The following NAA25 variants were observed in gnomAD, a reference collection of about 807,000 sequenced individuals.
NAA25 encodes N-alpha-acetyltransferase 25, NatB auxiliary subunit.
NAA25 carries 30 observed loss-of-function variants against 132.5 expected under a neutral mutation model. The ratio of observed to expected loss-of-function variants is 0.23; its 90% CI spans 0.17 to 0.31. The LOEUF (loss-of-function observed/expected upper bound fraction) is 0.31. Among genes scored for constraint, NAA25 ranks in the 10% least tolerant of loss-of-function variants. The pLI, the probability that NAA25 is intolerant of heterozygous loss-of-function variation, is 1.00. For synonymous variants in NAA25, 359 were observed against 401.9 expected, an observed-to-expected ratio of 0.89 and a Z score of 1.28; for missense variants, 771 against 1,150.4, an observed-to-expected ratio of 0.67 and a Z score of 4.77.
chr12:112,048,586 T>C (rs1006598051), intron 15 of NAA25, 143 bp from the exon 16 acceptor site: 5 of 658,450 alleles, frequency 7.6e-6, no homozygotes, highest in African/African-American at 5.5e-5. Context: ...AAGTAGAATA[T>C]TAGCTTTTTA....
chr12:112,068,808 A>G, intron 11 of NAA25, 72 bp downstream of exon 11: 2 of 816,668 alleles, frequency 2.4e-6, no homozygotes, highest in South Asian at 3.4e-5. Flanking sequence ...TAGAAAAGAA[A>G]CCCAAACATT....
chr12:112,104,886 G>A (rs1478543879), intron 1 of NAA25, among the ~76,000 whole-genome samples: 1 of 151,880 alleles, frequency 6.6e-6, no homozygotes, highest in African/African-American at 2.4e-5. Flanking sequence ...GGGCATGGTG[G>A]TGCATGCCTG....
At chr12:112,091,347 G>C (rs1349177620) in intron 2 of NAA25, among the ~76,000 whole-genome samples, 1 of 151,798 alleles carries the variant, frequency 6.6e-6, no homozygotes, top group Non-Finnish European at 1.5e-5. Context: ...AGAACTTTGA[G>C]ACCAGCCTAG....
Position 112,035,166 on chromosome 12 carries a change from ACT to A in NAA25, c.2650-1789_2650-1788del, listed in dbSNP as rs2078207099. ...CACTTTATTCACACCTTTATGGGTT[ACT>A]CTGATATCAGAAAAACCATTCTCAT... On this transcript the variant is annotated intron_variant, in intron 22 of 23. Coordinates refer to ENST00000261745, the MANE Select transcript of NAA25 (RefSeq NM_024953.4). 3 of 152,192 alleles carry A rather than the reference ACT, an allele frequency of 2.0e-5. No homozygotes were observed. In the South Asian group the frequency reaches 6.2e-4, roughly 32 times the overall value. The allele number at this position is 152,192 out of a possible 1,614,324, so 9.4% of individuals were successfully genotyped here.
At chr12:112,040,193 CAGAA>C in intron 21 of NAA25, 1 of 250,252 alleles carries the variant, frequency 4.0e-6, no homozygotes. Context: ...AAGAGTGAGT[CAGAA>C]AGGAGAATGA....
chr12:112,105,803 T>C (rs1174663680), intron 1 of NAA25, among the ~76,000 whole-genome samples: 1 of 152,218 alleles, frequency 6.6e-6, no homozygotes, highest in East Asian at 1.9e-4. Flanking sequence ...GCTCTACAAC[T>C]TGGTAGCTAC....
intron 4 of NAA25, among the ~76,000 whole-genome samples, chr12:112,082,844 G>A (rs1480655030): frequency 6.6e-6 from 1 of 152,000 alleles, no homozygotes; most frequent in Non-Finnish European, 1.5e-5. Context: ...AATATTTGAG[G>A]TGAATGGGTA....
Position 112,086,073 on chromosome 12 carries a change from T to TATATATATAC in NAA25, c.402+1609_402+1610insGTATATATAT, listed in dbSNP as rs759148501. Among the ~76,000 whole-genome samples the TATATATATAC allele has an allele frequency of 2.3e-3, 123 of 53,958 alleles. 1 individual carries two copies. Among genetic ancestry groups the TATATATATAC allele is most frequent in the African/African-American group, 0.013 (106 of 8,288 alleles). 35.4% of individuals were successfully genotyped at this position (53,958 alleles called of 152,430 possible). ...AAAAATATATATATATATATATATATACACACACACACACACACACACACA... is the reference window on the plus strand; with the variant it reads ...AAAAATATATATATATATATATATATATATATATACACACACACACACACACACACACACA... On this transcript the variant is annotated intron_variant, in intron 4 of 23. Coordinates refer to ENST00000261745, the MANE Select transcript of NAA25 (RefSeq NM_024953.4).
intron 22 of NAA25, among the ~76,000 whole-genome samples, chr12:112,038,717 C>T (rs1024011344): frequency 7.2e-5 from 11 of 152,122 alleles, no homozygotes; most frequent in African/African-American, 2.2e-4. Flanking sequence ...CAGTGGCTCA[C>T]GCCTGTAATC....
At chr12:112,090,132 C>T (rs376652877) in intron 3 of NAA25, among the ~76,000 whole-genome samples, 1 of 151,962 alleles carries the variant, frequency 6.6e-6, no homozygotes, top group African/African-American at 2.4e-5. Context: ...CGCCTGGCAA[C>T]GCTCCATTTC....
chr12:112,053,441 C>A, intron 15 of NAA25, 117 bp downstream of exon 15: 1 of 742,094 alleles, frequency 1.3e-6, no homozygotes, highest in South Asian at 1.7e-5. Flanking sequence ...TCTAAGGGCA[C>A]TTGCTAGTTC....
intron 9 of NAA25, 48 bp downstream of exon 9, chr12:112,074,627 C>A: frequency 8.9e-7 from 1 of 1,118,790 alleles, no homozygotes; most frequent in Non-Finnish European, 1.3e-6. Context: ...CCTTTCACTA[C>A]ACTATATTAA....
At chr12:112,079,769 G>A (rs2078943682) in intron 5 of NAA25, among the ~76,000 whole-genome samples, 1 of 152,086 alleles carries the variant, frequency 6.6e-6, no homozygotes, top group African/African-American at 2.4e-5. Context: ...TTCTGCAAAA[G>A]AGCAAACTGA....
intron 7 of NAA25, 122 bp downstream of exon 7, chr12:112,078,066 T>A (rs962059739): frequency 6.0e-6 from 4 of 672,146 alleles, no homozygotes; most frequent in African/African-American, 5.7e-5. Context: ...TCTGGAAGAA[T>A]ATAACAAAAT....
rs758538336 is a variant in NAA25, at chr12:112,087,797, C to G, written c.288G>C (p.Glu96Asp). ...TILYREMHRP[E>D]LVTKLYEAAV... ...CTGCCTCATAAAGTTTTGTAACTAA[C>G]TCCGCTAAGATAAAGAGAAATAAGA... Residue 96 changes from glutamate to aspartate, a missense_variant, in exon 4 of 24, where the codon GAG (glutamate) becomes GAC (aspartate). Physicochemically the swap from Glu to Asp is conservative, Grantham distance 45. This residue lies in a region of NAA25 where 417 missense variants were observed against 733.8 expected (regional missense o/e 0.57). Coordinates refer to ENST00000261745, the MANE Select transcript of NAA25 (RefSeq NM_024953.4). 6.3e-7 allele frequency: 1 copy of G among 1,588,050 alleles called. No individual in the cohort carries two copies. The highest frequency in any genetic ancestry group is 1.1e-5 in the South Asian group (1 of 90,518).
chr12:112,065,003 T>C (rs2136869025), intron 11 of NAA25, among the ~76,000 whole-genome samples: 1 of 152,030 alleles, frequency 6.6e-6, no homozygotes, highest in Non-Finnish European at 1.5e-5. Flanking sequence ...CATTGCACTC[T>C]AGCCTGGGCA....
At chr12:112,038,872 G>A (rs764205062) in intron 22 of NAA25, among the ~76,000 whole-genome samples, 5 of 152,092 alleles carry the variant, frequency 3.3e-5, no homozygotes, top group South Asian at 2.1e-4. Flanking sequence ...CCAGCTACTC[G>A]GGAAGCTGAG....
intron 4 of NAA25, among the ~76,000 whole-genome samples, chr12:112,086,071 T>TATATATAC (rs2079048499): frequency 3.7e-5 from 2 of 53,652 alleles, no homozygotes; most frequent in Non-Finnish European, 5.7e-5. Context: ...TATATATATA[T>TATATATAC]ATACACACAC....
chr12:112,034,628 A>AAAC (rs57168073), intron 22 of NAA25: 11,682 of 151,298 alleles, frequency 0.077, 1,557 homozygotes, highest in East Asian at 0.6. Context: ...TCCGTCTCAA[A>AAAC]AACAACAACA....
Sources: gnomAD v4.1 joint callset for allele counts (sites outside exome capture counted in the v4.1 genomes callset) on GRCh38, gnomAD v4.1.1 for gene constraint, gnomAD v4.1.1 regional missense constraint, MANE v1.5 for transcripts, NCBI Gene and HGNC (gene_info 2026-07-23, HGNC 2026-07-21) for gene names.